B3GALT1: variants seen among roughly 807,000 people sequenced by gnomAD.
B3GALT1 encodes the protein UDP-Gal:betaGlcNAc beta 1,3-galactosyltransferase, polypeptide 1.
A neutral mutation model predicts 23.2 loss-of-function variants in B3GALT1; 10 were observed. That is an observed-to-expected ratio of 0.43 (90% CI 0.27 to 0.73). The LOEUF is 0.73. B3GALT1 is among the 30% of genes least tolerant of loss of function. B3GALT1 has a pLI of 0.21. For missense variants in B3GALT1, 299 were observed against 405.4 expected (o/e 0.74, Z 2.25); for synonymous variants, 156 against 141.5 (o/e 1.10, Z -0.73).
chr2:167,379,902 A>C (rs1443546768), intron 1 of B3GALT1, among the ~76,000 whole-genome samples: 3 of 152,248 alleles, frequency 2.0e-5, no homozygotes. Flanking sequence ...TGGGAACTCC[A>C]GATGTCTGGA....
chr2:167,789,110 A>C (rs1316371833), intron 3 of B3GALT1, among the ~76,000 whole-genome samples: 2 of 152,102 alleles, frequency 1.3e-5, no homozygotes, highest in Non-Finnish European at 2.9e-5. Context: ...CGAGCCATTA[A>C]CTCGCATGTC....
At chr2:167,811,353 G>T (rs1293240928) in intron 3 of B3GALT1, among the ~76,000 whole-genome samples, 2 of 152,144 alleles carry the variant, frequency 1.3e-5, no homozygotes, top group East Asian at 1.9e-4. Context: ...CTTAGCCAAG[G>T]CATGGGAAAC....
In B3GALT1 at chr2:167,574,818, T is replaced by C. The variant is rs545512848; in HGVS notation, c.-409-72091T>C. On this transcript the variant is annotated intron_variant, in intron 2 of 4. Coordinates refer to ENST00000392690, the MANE Select transcript of B3GALT1 (RefSeq NM_020981.4). Reference sequence around the variant, plus strand: ...TGTTCTCTCTTTAATTCTAGATACATTTCTTCCACAAATGCTGCTTGAGAT... The same window carrying C: ...TGTTCTCTCTTTAATTCTAGATACACTTCTTCCACAAATGCTGCTTGAGAT... 7.9e-5 allele frequency among the ~76,000 whole-genome samples: 12 copies of C among 151,854 alleles called. No individual in the cohort carries two copies. The South Asian group carries it at 1.5e-3, about 18-fold the overall frequency.
intron 3 of B3GALT1, among the ~76,000 whole-genome samples, chr2:167,653,355 T>C (rs1685898571): frequency 1.3e-5 from 2 of 152,288 alleles, no homozygotes; most frequent in East Asian, 1.9e-4. Flanking sequence ...TTCGGACTTA[T>C]ATATAGCAGT....
At chr2:167,369,037 G>C (rs75693927) in intron 1 of B3GALT1, among the ~76,000 whole-genome samples, 6 of 150,888 alleles carry the variant, frequency 4.0e-5, no homozygotes, top group African/African-American at 1.5e-4. Flanking sequence ...AAATATTTTT[G>C]TATTGGGAAG....
intron 1 of B3GALT1, among the ~76,000 whole-genome samples, chr2:167,424,559 GTGTT>G (rs1310182421): frequency 3.3e-5 from 5 of 151,820 alleles, no homozygotes; most frequent in African/African-American, 7.3e-5. Context: ...GTGTGTGTGT[GTGTT>G]TGTGTGTGTG....
At chr2:167,557,676 G>A (rs1404297098) in intron 2 of B3GALT1, among the ~76,000 whole-genome samples, 3 of 152,156 alleles carry the variant, frequency 2.0e-5, no homozygotes, top group Admixed American at 6.5e-5. Context: ...TGTATAATAT[G>A]TTTTTCTTGG....
chr2:167,444,371 C>G (rs907228759), intron 1 of B3GALT1, among the ~76,000 whole-genome samples: 4 of 152,064 alleles, frequency 2.6e-5, no homozygotes. Flanking sequence ...TCAGGATGAT[C>G]CTGGCCTCAT....
At chr2:167,630,911 C>T (rs1441834303) in intron 2 of B3GALT1, among the ~76,000 whole-genome samples, 2 of 150,240 alleles carry the variant, frequency 1.3e-5, no homozygotes, top group Non-Finnish European at 3.0e-5. Context: ...TATTTCTCTC[C>T]TTCATTCCTG....
intron 1 of B3GALT1, among the ~76,000 whole-genome samples, chr2:167,320,716 TA>T (rs1228031354): frequency 6.6e-6 from 1 of 152,134 alleles, no homozygotes; most frequent in East Asian, 1.9e-4. Flanking sequence ...ATCATTTGGC[TA>T]TATTTTAAGA....
intron 1 of B3GALT1, among the ~76,000 whole-genome samples, chr2:167,354,378 C>T (rs1216981522): frequency 1.4e-5 from 2 of 146,000 alleles, no homozygotes; most frequent in Non-Finnish European, 3.0e-5. Context: ...GATGGAGTCT[C>T]ACTCTGTTGC....
At chr2:167,514,671 CAAAT>C (rs1482687432) in intron 2 of B3GALT1, among the ~76,000 whole-genome samples, 4 of 152,106 alleles carry the variant, frequency 2.6e-5, no homozygotes, top group Non-Finnish European at 5.9e-5. Context: ...TGTTTGTCAT[CAAAT>C]AAACTGCACA....
intron 3 of B3GALT1, among the ~76,000 whole-genome samples, chr2:167,679,195 C>G (rs1307899064): frequency 6.6e-6 from 1 of 151,888 alleles, no homozygotes; most frequent in Non-Finnish European, 1.5e-5. Context: ...CTCGGCTCAC[C>G]GCAACCTCCG....
chr2:167,373,075 T>C (rs1697709501), intron 1 of B3GALT1, among the ~76,000 whole-genome samples: 1 of 152,086 alleles, frequency 6.6e-6, no homozygotes, highest in East Asian at 1.9e-4. Flanking sequence ...TATACCTATA[T>C]AGCCAATTGA....
chr2:167,653,251 T>C (rs1685897031), intron 3 of B3GALT1, among the ~76,000 whole-genome samples: 1 of 152,164 alleles, frequency 6.6e-6, no homozygotes, highest in Non-Finnish European at 1.5e-5. Context: ...CTGAAGAAAT[T>C]AGGATTCAAA....
chr2:167,608,541 T>C (rs1558923055), intron 2 of B3GALT1, among the ~76,000 whole-genome samples: 1 of 150,986 alleles, frequency 6.6e-6, no homozygotes, highest in Non-Finnish European at 1.5e-5. Context: ...CTGTCAATGG[T>C]TATATAACAT....
At chr2:167,341,441 C>A (rs1249699628) in intron 1 of B3GALT1, among the ~76,000 whole-genome samples, 1 of 152,166 alleles carries the variant, frequency 6.6e-6, no homozygotes, top group Non-Finnish European at 1.5e-5. Flanking sequence ...GTGGGCAGAA[C>A]ACTTCAGGTC....
chr2:167,323,282 C>G (rs959439703), intron 1 of B3GALT1, among the ~76,000 whole-genome samples: 2 of 151,824 alleles, frequency 1.3e-5, no homozygotes, highest in African/African-American at 4.8e-5. Context: ...ATTGGATATA[C>G]GAAAAATTCA....
chr2:167,459,487 T>A (rs1699224043), intron 1 of B3GALT1, among the ~76,000 whole-genome samples: 1 of 152,164 alleles, frequency 6.6e-6, no homozygotes, highest in Non-Finnish European at 1.5e-5. Flanking sequence ...TAATGGTGGT[T>A]CTTTTAAATA....
Sources: allele counts gnomAD v4.1 joint callset (sites outside exome capture counted in the v4.1 genomes callset), GRCh38; gene constraint gnomAD v4.1.1; transcripts MANE v1.5; gene names NCBI Gene and HGNC (gene_info 2026-07-23, HGNC 2026-07-21).